Variants in PDCD6IP observed in about 807,000 individuals in gnomAD.
The protein encoded by PDCD6IP is programmed cell death 6 interacting protein.
In PDCD6IP, 43 loss-of-function variants were observed where a neutral mutation model predicts 103.7. That is an observed-to-expected ratio of 0.41 (90% CI 0.32 to 0.53). The LOEUF (loss-of-function observed/expected upper bound fraction) is 0.53. PDCD6IP is among the 20% of genes least tolerant of loss of function. PDCD6IP has a pLI of 0.16. For synonymous variants in PDCD6IP, 354 were observed against 378.7 expected, an observed-to-expected ratio of 0.93 and a Z score of 0.76; for missense variants, 871 against 1,036.7, an observed-to-expected ratio of 0.84 and a Z score of 2.20.
chr3:33,813,570 A>G lies in PDCD6IP; in HGVS notation c.276A>G (p.Thr92=). Residue 92 remains threonine (T), a synonymous_variant, in exon 3 of 18, where the codon ACA becomes ACG. Coordinates refer to ENST00000307296, the MANE Select transcript of PDCD6IP (RefSeq NM_013374.6). ...FPFSENQICL[T]FTWKDAFDKG... The stretch of plus-strand genomic sequence containing the variant: ...TTCATTCTATCCAGATCTGCTTGAC[A>G]TTTACCTGGAAGGATGCTTTCGATA... 1.2e-6 allele frequency: 2 copies of G among 1,605,016 alleles called. No individual in the cohort carries two copies. The highest frequency in any genetic ancestry group is 1.1e-5 in the South Asian group (1 of 90,572).
intron 15 of PDCD6IP, among the ~76,000 whole-genome samples, chr3:33,860,534 CCAGT>C (rs1170072939): frequency 6.6e-6 from 1 of 152,150 alleles, no homozygotes; most frequent in East Asian, 1.9e-4. Flanking sequence ...ATGCATCCAC[CCAGT>C]CAGTCAGTCT....
intron 3 of PDCD6IP, among the ~76,000 whole-genome samples, chr3:33,815,469 C>T (rs539278536): frequency 1.6e-4 from 24 of 152,166 alleles, no homozygotes; most frequent in African/African-American, 5.5e-4. Context: ...AGAAAGATTA[C>T]GTGATTTTCT....
chr3:33,799,160 C>T, intron 1 of PDCD6IP: 2 of 575,750 alleles, frequency 3.5e-6, no homozygotes, highest in Non-Finnish European at 6.2e-6. Context: ...TGCTCTAGCC[C>T]TTGGTCGGCG....
chr3:33,812,912 A>C (rs1209034472), intron 2 of PDCD6IP, among the ~76,000 whole-genome samples: 2 of 152,130 alleles, frequency 1.3e-5, no homozygotes, highest in African/African-American at 4.8e-5. Flanking sequence ...TCCCTAATCA[A>C]GAGTTTAGAA....
chr3:33,835,730 A>AG (rs1241176973), intron 7 of PDCD6IP, among the ~76,000 whole-genome samples: 1 of 152,062 alleles, frequency 6.6e-6, no homozygotes, highest in African/African-American at 2.4e-5. Flanking sequence ...AAAAAAAAGA[A>AG]GGAAAAAAAG....
chr3:33,857,445 C>A (rs1483321551), intron 15 of PDCD6IP, among the ~76,000 whole-genome samples: 1 of 151,976 alleles, frequency 6.6e-6, no homozygotes, highest in East Asian at 1.9e-4. Context: ...GTGAGCCACC[C>A]CCCCAGCCTA....
chr3:33,835,793 T>C (rs998569053), intron 7 of PDCD6IP, among the ~76,000 whole-genome samples: 1 of 152,226 alleles, frequency 6.6e-6, no homozygotes, highest in Non-Finnish European at 1.5e-5. Flanking sequence ...GATGGGCTCA[T>C]GGATTTCTTT....
intron 12 of PDCD6IP, among the ~76,000 whole-genome samples, chr3:33,849,155 T>G (rs1697660554): frequency 6.6e-6 from 1 of 152,204 alleles, no homozygotes; most frequent in African/African-American, 2.4e-5. Context: ...ACAACCTAGG[T>G]GATGCCATTC....
intron 6 of PDCD6IP, among the ~76,000 whole-genome samples, chr3:33,828,187 A>G (rs7616762): frequency 0.26 from 39,911 of 152,050 alleles, 5,531 homozygotes; most frequent in East Asian, 0.39. Flanking sequence ...CAAATAGGCA[A>G]AATAACACTT....
intron 12 of PDCD6IP, among the ~76,000 whole-genome samples, chr3:33,849,139 GTA>G (rs1295692393): frequency 6.6e-6 from 1 of 152,210 alleles, no homozygotes; most frequent in Non-Finnish European, 1.5e-5. Context: ...GAAAGACAAA[GTA>G]TTGACAACCT....
At chr3:33,860,353 CGTT>C (rs1029807190) in intron 15 of PDCD6IP, among the ~76,000 whole-genome samples, 2 of 152,082 alleles carry the variant, frequency 1.3e-5, no homozygotes, top group Non-Finnish European at 2.9e-5. Context: ...TTGTTAAAGT[CGTT>C]GTTAATACTG....
At chr3:33,827,172 A>G (rs895866193) in intron 6 of PDCD6IP, 4 of 983,038 alleles carry the variant, frequency 4.1e-6, no homozygotes, top group South Asian at 4.7e-5. Context: ...TGAAGTGACA[A>G]TTGTAAAGAC....
chr3:33,826,946 A>C, intron 6 of PDCD6IP: 1 of 1,002,896 alleles, frequency 1.0e-6, no homozygotes, highest in Non-Finnish European at 1.2e-6. Flanking sequence ...TCACACTTTT[A>C]ATTATTGTCC....
chr3:33,802,016 C>T (rs1010980536), intron 1 of PDCD6IP, among the ~76,000 whole-genome samples: 1 of 152,116 alleles, frequency 6.6e-6, no homozygotes, highest in African/African-American at 2.4e-5. Context: ...TGTGGTAGAT[C>T]CCAAATTATC....
chr3:33,854,079 TAA>T, intron 14 of PDCD6IP, 66 bp downstream of exon 14: 1 of 1,474,596 alleles, frequency 6.8e-7, no homozygotes, highest in Non-Finnish European at 9.0e-7. Context: ...GTTTGGAAGT[TAA>T]GTGGTATTTC....
At chr3:33,865,694 T>G (rs1242214309) in intron 17 of PDCD6IP, among the ~76,000 whole-genome samples, 1 of 152,264 alleles carries the variant, frequency 6.6e-6, no homozygotes, top group Non-Finnish European at 1.5e-5. Flanking sequence ...TAGAGTTTAG[T>G]AGGTGTTTCC....
intron 1 of PDCD6IP, among the ~76,000 whole-genome samples, chr3:33,804,748 C>T (rs746883053): frequency 9.2e-5 from 14 of 152,226 alleles, no homozygotes; most frequent in Non-Finnish European, 1.5e-4. Context: ...AGATCCTGAC[C>T]TCTTGATTCC....
rs189555154 is a variant in PDCD6IP at position 33,798,660 on chromosome 3, C to G, written c.-69C>G. The G allele has an allele frequency of 1.5e-6, 2 of 1,377,740 alleles. No homozygotes were observed. The highest frequency in any genetic ancestry group is 1.5e-5 in the African/African-American group (1 of 68,620). 85.3% of individuals were successfully genotyped at this position (1,377,740 alleles called of 1,614,324 possible). On this transcript the variant is annotated 5_prime_UTR_variant, in exon 1 of 18. Transcript: ENST00000307296. ...GTCCGCCAGTCCGCCAGCCCAGTACCTCTCTCTCCTCGGCCCTCGTAAGCT... is the reference window on the plus strand; with the variant it reads ...GTCCGCCAGTCCGCCAGCCCAGTACGTCTCTCTCCTCGGCCCTCGTAAGCT...
intron 15 of PDCD6IP, among the ~76,000 whole-genome samples, chr3:33,860,422 A>G (rs12493220): frequency 0.14 from 20,914 of 152,250 alleles, 1,878 homozygotes; most frequent in East Asian, 0.39. Flanking sequence ...AAAAGTATAC[A>G]TAAGTGTGTA....
Sources: gnomAD v4.1 joint callset for allele counts (sites outside exome capture counted in the v4.1 genomes callset) on GRCh38, gnomAD v4.1.1 for gene constraint, MANE v1.5 for transcripts, NCBI Gene and HGNC (gene_info 2026-07-23, HGNC 2026-07-21) for gene names.